Variants in PTPRD observed in about 807,000 individuals in gnomAD.
PTPRD encodes the protein receptor-type tyrosine-protein phosphatase delta.
PTPRD carries 34 observed loss-of-function variants against 214.5 expected under a neutral mutation model. The observed-to-expected ratio is 0.16, with a 90% CI of 0.12 to 0.21. The LOEUF (loss-of-function observed/expected upper bound fraction) is 0.21, where lower values mean the gene tolerates loss of function less well. Among genes scored for constraint, PTPRD ranks in the 10% least tolerant of loss-of-function variants. The probability of loss-of-function intolerance (pLI) is 1.00; values close to 1 mark genes in which losing one functional copy is unlikely to be tolerated. For missense variants in PTPRD, 2,545 were observed against 2,398.7 expected (o/e 1.06, Z -1.27); for synonymous variants, 1,128 against 845.7 (o/e 1.33, Z -5.79).
intron 8 of PTPRD, among the ~76,000 whole-genome samples, chr9:9,528,912 T>C (rs2074798162): frequency 6.6e-6 from 1 of 151,586 alleles, no homozygotes; most frequent in African/African-American, 2.4e-5. Context: ...GTCCTTGAAT[T>C]TACCAGTTTC....
intron 2 of PTPRD, among the ~76,000 whole-genome samples, chr9:10,539,791 T>G (rs1333394521): frequency 1.3e-5 from 2 of 152,134 alleles, no homozygotes; most frequent in African/African-American, 4.8e-5. Flanking sequence ...CTTTCCCAGA[T>G]AGCTCACAAT....
intron 9 of PTPRD, among the ~76,000 whole-genome samples, chr9:9,350,585 T>G (rs1393800594): frequency 6.6e-6 from 1 of 152,230 alleles, no homozygotes; most frequent in East Asian, 1.9e-4. Flanking sequence ...TTTTAATTTT[T>G]GTATACATTG....
chr9:9,538,824 A>G (rs1234513239), intron 8 of PTPRD, among the ~76,000 whole-genome samples: 1 of 151,982 alleles, frequency 6.6e-6, no homozygotes, highest in Non-Finnish European at 1.5e-5. Flanking sequence ...CTGAACCTAC[A>G]TTCAAATTCA....
intron 2 of PTPRD, among the ~76,000 whole-genome samples, chr9:10,356,574 G>A (rs181116253): frequency 6.6e-6 from 1 of 152,254 alleles, no homozygotes; most frequent in East Asian, 1.9e-4. Flanking sequence ...AACTACAGTT[G>A]CAGAGATGAA....
At chr9:8,364,282 T>C (rs2079217341) in intron 39 of PTPRD, among the ~76,000 whole-genome samples, 1 of 152,256 alleles carries the variant, frequency 6.6e-6, no homozygotes, top group South Asian at 2.1e-4. Flanking sequence ...CAGAGTCTTA[T>C]ATAAGCGTGT....
intron 3 of PTPRD, among the ~76,000 whole-genome samples, chr9:10,256,732 G>GT (rs1466561522): frequency 6.6e-6 from 1 of 152,092 alleles, no homozygotes; most frequent in Non-Finnish European, 1.5e-5. Context: ...AATTTTATCT[G>GT]TTCTACCTGC....
chr9:10,552,455 C>G (rs552784212), intron 2 of PTPRD, among the ~76,000 whole-genome samples: 7 of 152,090 alleles, frequency 4.6e-5, no homozygotes, highest in African/African-American at 1.4e-4. Context: ...ATTTCACACT[C>G]TTCTCATTCT....
chr9:10,138,067 T>C (rs1192281263), intron 3 of PTPRD, among the ~76,000 whole-genome samples: 2 of 151,814 alleles, frequency 1.3e-5, no homozygotes, highest in African/African-American at 2.4e-5. Flanking sequence ...AAAATTGATA[T>C]GCAAAAATTC....
At chr9:8,555,246 G>C (rs1338066154) in intron 14 of PTPRD, among the ~76,000 whole-genome samples, 1 of 152,018 alleles carries the variant, frequency 6.6e-6, no homozygotes, top group African/African-American at 2.4e-5. Context: ...TGTATAAAAA[G>C]ACTTTTAAAA....
At chr9:8,689,210 T>TA (rs1427938196) in intron 12 of PTPRD, among the ~76,000 whole-genome samples, 2 of 152,132 alleles carry the variant, frequency 1.3e-5, no homozygotes, top group Non-Finnish European at 2.9e-5. Flanking sequence ...ATATCATTAT[T>TA]AAAAAATAAA....
chr9:8,865,221 C>A (rs894290179), intron 11 of PTPRD, among the ~76,000 whole-genome samples: 1 of 152,106 alleles, frequency 6.6e-6, no homozygotes, highest in African/African-American at 2.4e-5. Flanking sequence ...TTTTTCAGTA[C>A]AGGAGGCAGC....
intron 12 of PTPRD, among the ~76,000 whole-genome samples, chr9:8,652,796 T>G (rs1045409055): frequency 2.0e-5 from 3 of 152,188 alleles, no homozygotes; most frequent in Admixed American, 2.0e-4. Context: ...TTCTTGTATT[T>G]GAGTAACAGA....
At chr9:9,908,923 G>T (rs916847506) in intron 5 of PTPRD, among the ~76,000 whole-genome samples, 1 of 151,892 alleles carries the variant, frequency 6.6e-6, no homozygotes, top group Non-Finnish European at 1.5e-5. Flanking sequence ...ATTATACAGA[G>T]AGAAGATATA....
intron 3 of PTPRD, among the ~76,000 whole-genome samples, chr9:10,196,347 T>C (rs2099398096): frequency 6.6e-6 from 1 of 152,124 alleles, no homozygotes; most frequent in African/African-American, 2.4e-5. Flanking sequence ...GAATAATAAA[T>C]TTGTCAATAT....
chr9:8,553,590 GA>G (rs1387149265), intron 14 of PTPRD, among the ~76,000 whole-genome samples: 1 of 152,136 alleles, frequency 6.6e-6, no homozygotes, highest in Non-Finnish European at 1.5e-5. Context: ...GAAAAGAAAT[GA>G]GAGAGGGGAA....
chr9:10,225,668 C>T (rs1259223800), intron 3 of PTPRD, among the ~76,000 whole-genome samples: 5 of 151,996 alleles, frequency 3.3e-5, no homozygotes, highest in Non-Finnish European at 5.9e-5. Context: ...AGTCTAGGAA[C>T]AAGAAAAGTC....
intron 2 of PTPRD, among the ~76,000 whole-genome samples, chr9:10,456,531 T>C (rs1343076505): frequency 6.6e-6 from 1 of 151,904 alleles, no homozygotes; most frequent in Admixed American, 6.6e-5. Flanking sequence ...TCTTGTTTGT[T>C]TGCTAGTTTT....
At position 10,116,285 on chromosome 9, in the gene PTPRD, C is replaced by T. The variant is rs143051718; in HGVS notation, c.-544-82495G>A. 1.0e-3 allele frequency among the ~76,000 whole-genome samples: 155 copies of T among 152,188 alleles called. 1 individual carries two copies. Among genetic ancestry groups the T allele is most frequent in the African/African-American group, 3.5e-3 (147 of 41,538 alleles). On this transcript the variant is annotated intron_variant, in intron 3 of 45. Transcript: ENST00000381196. ...ACATGGATTATTAGTGTTTATGCTTCTATTGCTGACTAAGTACAATACTAA... is the reference window on the plus strand; with the variant it reads ...ACATGGATTATTAGTGTTTATGCTTTTATTGCTGACTAAGTACAATACTAA...
At chr9:9,805,920 A>G (rs2099070212) in intron 5 of PTPRD, among the ~76,000 whole-genome samples, 1 of 152,110 alleles carries the variant, frequency 6.6e-6, no homozygotes, top group African/African-American at 2.4e-5. Context: ...AAGAAGTACA[A>G]AAAAACATAA....
Sources: allele counts gnomAD v4.1 joint callset (sites outside exome capture counted in the v4.1 genomes callset), GRCh38; gene constraint gnomAD v4.1.1; transcripts MANE v1.5; gene names NCBI Gene and HGNC (gene_info 2026-07-23, HGNC 2026-07-21).